CDH13: variants seen among roughly 807,000 people sequenced by gnomAD.
The protein encoded by CDH13 is cadherin-13.
Under a neutral mutation model 63.8 loss-of-function variants are expected in CDH13, and 24 were observed. The ratio of observed to expected loss-of-function variants is 0.38; its 90% CI spans 0.27 to 0.53. The LOEUF (loss-of-function observed/expected upper bound fraction) is 0.53. Among genes scored for constraint, CDH13 ranks in the 20% least tolerant of loss-of-function variants. The pLI is 0.85. For missense variants in CDH13, 1,049 were observed against 903.1 expected (o/e 1.16, Z -2.07); for synonymous variants, 503 against 355.3 (o/e 1.42, Z -4.67).
At chr16:82,672,152 T>C (rs992084480) in intron 1 of CDH13, among the ~76,000 whole-genome samples, 3 of 152,222 alleles carry the variant, frequency 2.0e-5, no homozygotes, top group South Asian at 4.1e-4. Context: ...AACTGTGAGT[T>C]TGAGCAAGGT....
intron 1 of CDH13, among the ~76,000 whole-genome samples, chr16:82,771,170 C>G (rs1352541658): frequency 6.6e-6 from 1 of 152,154 alleles, no homozygotes. Context: ...TTGTTTATCA[C>G]AAGTCAGACC....
At chr16:83,498,251 G>C (rs2074193949) in intron 7 of CDH13, among the ~76,000 whole-genome samples, 1 of 152,120 alleles carries the variant, frequency 6.6e-6, no homozygotes, top group Non-Finnish European at 1.5e-5. Context: ...GAGTCTTGGA[G>C]CCAGATGGAC....
At chr16:83,728,266 A>T (rs919620543) in intron 10 of CDH13, among the ~76,000 whole-genome samples, 1 of 151,928 alleles carries the variant, frequency 6.6e-6, no homozygotes, top group Non-Finnish European at 1.5e-5. Context: ...CTGACCCCAC[A>T]AGCCTGTGAG....
At chr16:83,331,758 A>G (rs978086355) in intron 5 of CDH13, among the ~76,000 whole-genome samples, 1 of 152,216 alleles carries the variant, frequency 6.6e-6, no homozygotes, top group East Asian at 1.9e-4. Context: ...CTTAACATGC[A>G]TACTATACCA....
intron 4 of CDH13, chr16:83,181,082 C>A (rs1156413433): frequency 3.6e-5 from 47 of 1,314,608 alleles, no homozygotes; most frequent in Non-Finnish European, 4.6e-5. Context: ...AATAAATTGT[C>A]CTGTTGACTG....
At chr16:82,970,589 C>T (rs1193899687) in intron 2 of CDH13, among the ~76,000 whole-genome samples, 6 of 117,840 alleles carry the variant, frequency 5.1e-5, no homozygotes, top group African/African-American at 1.6e-4. Flanking sequence ...TTAGTAGAGA[C>T]GGGGTTTCAC....
chr16:83,673,641 A>G (rs558059186), intron 9 of CDH13, among the ~76,000 whole-genome samples: 52 of 152,350 alleles, frequency 3.4e-4, no homozygotes, highest in African/African-American at 1.2e-3. Context: ...TCCTCTCCCT[A>G]CATTCCTGTG....
At chr16:82,704,210 C>T (rs1044609602) in intron 1 of CDH13, among the ~76,000 whole-genome samples, 6 of 152,162 alleles carry the variant, frequency 3.9e-5, no homozygotes, top group African/African-American at 1.4e-4. Context: ...CAGCCTTCAG[C>T]AGGCTCTAGG....
chr16:83,176,322 C>T (rs141266713), intron 4 of CDH13, among the ~76,000 whole-genome samples: 6,080 of 151,640 alleles, frequency 0.04, 196 homozygotes, highest in Non-Finnish European at 0.052. Flanking sequence ...CCAGCCTGGG[C>T]AACATGGTGA....
At chr16:82,797,205 G>A (rs903379581) in intron 1 of CDH13, among the ~76,000 whole-genome samples, 1 of 152,152 alleles carries the variant, frequency 6.6e-6, no homozygotes, top group Non-Finnish European at 1.5e-5. Flanking sequence ...CTTTTCAGTT[G>A]CTTCTGAATA....
chr16:83,408,303 C>T (rs1211534906), intron 6 of CDH13, among the ~76,000 whole-genome samples: 4 of 152,124 alleles, frequency 2.6e-5, no homozygotes, highest in Non-Finnish European at 4.4e-5. Flanking sequence ...TATACAGTCA[C>T]GTGTCACTCA....
At chr16:83,311,348 T>C (rs968457038) in intron 5 of CDH13, among the ~76,000 whole-genome samples, 3 of 152,080 alleles carry the variant, frequency 2.0e-5, no homozygotes, top group African/African-American at 4.8e-5. Context: ...AATTAAAAAG[T>C]AAAAGTCGTT....
chr16:83,644,287 A>G (rs1362608858), intron 8 of CDH13, among the ~76,000 whole-genome samples: 1 of 152,212 alleles, frequency 6.6e-6, no homozygotes, highest in Non-Finnish European at 1.5e-5. Context: ...AATGCCAAAC[A>G]ATATGCTACT....
rs12925303 is a variant in CDH13 at position 83,120,250 on chromosome 16, G to A, written c.367-5135G>A. On this transcript the variant is annotated intron_variant, in intron 3 of 13. Coordinates refer to ENST00000567109, the MANE Select transcript of CDH13 (RefSeq NM_001257.5). The stretch of plus-strand genomic sequence containing the variant: ...ACTTGCCATACTTCTGGGATGCGCC[G>A]TAATAATCAAGGAAATGGATGGGCA... Among the ~76,000 whole-genome samples, 465 of 152,278 alleles carry A rather than the reference G, an allele frequency of 3.1e-3. 1 individual carries two copies. Among genetic ancestry groups the A allele is most frequent in the Non-Finnish European group, 5.5e-3 (372 of 68,024 alleles).
intron 8 of CDH13, among the ~76,000 whole-genome samples, chr16:83,657,944 C>T (rs1456889221): frequency 6.1e-5 from 9 of 148,746 alleles, no homozygotes; most frequent in African/African-American, 1.0e-4. Flanking sequence ...CCACCAGGTC[C>T]CATATCCTCA....
At chr16:82,765,467 G>A (rs2035020517) in intron 1 of CDH13, among the ~76,000 whole-genome samples, 2 of 152,122 alleles carry the variant, frequency 1.3e-5, no homozygotes, top group African/African-American at 4.8e-5. Flanking sequence ...AGACTGCATT[G>A]TTTCCAACTG....
chr16:83,691,468 T>G (rs914328334), intron 10 of CDH13, among the ~76,000 whole-genome samples: 1 of 152,128 alleles, frequency 6.6e-6, no homozygotes, highest in Non-Finnish European at 1.5e-5. Flanking sequence ...TGGCCCTGCC[T>G]GGTGCTGTTT....
rs571295412 is a variant in CDH13, at chr16:82,981,683, C to A, written c.158-50327C>A. Among the ~76,000 whole-genome samples, 13 of 152,174 alleles carry A rather than the reference C, an allele frequency of 8.5e-5. No homozygotes were observed. The East Asian group carries it at 1.2e-3, about 14-fold the overall frequency. ...CCATAAAATAAAATTTTAAAAAATCCATTTTCTACCTTTCTTGCAAGTGCT... is the reference window on the plus strand; with the variant it reads ...CCATAAAATAAAATTTTAAAAAATCAATTTTCTACCTTTCTTGCAAGTGCT... On this transcript the variant is annotated intron_variant, in intron 2 of 13. Transcript: ENST00000567109.
chr16:82,756,386 C>G (rs1038642064), intron 1 of CDH13, among the ~76,000 whole-genome samples: 4 of 152,192 alleles, frequency 2.6e-5, no homozygotes, highest in South Asian at 2.1e-4. Context: ...ATAATAATAG[C>G]CACCATTTGT....
Sources: allele counts gnomAD v4.1 joint callset (sites outside exome capture counted in the v4.1 genomes callset), GRCh38; gene constraint gnomAD v4.1.1; transcripts MANE v1.5; gene names NCBI Gene and HGNC (gene_info 2026-07-23, HGNC 2026-07-21).